PROSER1: variants seen among roughly 807,000 people sequenced by gnomAD.
PROSER1 encodes the protein proline and serine-rich protein 1.
A neutral mutation model predicts 71.8 loss-of-function variants in PROSER1; 36 were observed. That is an observed-to-expected ratio of 0.50 (90% CI 0.38 to 0.66). PROSER1 has a LOEUF of 0.66. Among genes scored for constraint, PROSER1 ranks in the 30% least tolerant of loss-of-function variants. The pLI is 0.00. For synonymous variants in PROSER1, 490 were observed against 452.4 expected (o/e 1.08, Z -1.06); for missense variants, 1,107 against 1,135.0 (o/e 0.98, Z 0.35).
At position 39,014,449 on chromosome 13, in the gene PROSER1, A is replaced by G. The variant is rs1160919114; in HGVS notation, c.803T>C (p.Phe268Ser). The G allele has an allele frequency of 6.2e-7, 1 of 1,611,080 alleles. No individual in the cohort carries two copies. The highest frequency in any genetic ancestry group is 1.7e-5 in the Admixed American group (1 of 59,942). Residue 268 changes from phenylalanine (F) to serine (S), a missense_variant, in exon 11 of 13, where the codon TTT becomes TCT. Physicochemically the swap from Phe to Ser is radical, Grantham distance 155 (BLOSUM62 -2). Transcript: ENST00000352251. ...QTFSTPASQL[F>S]SPHGSNPSTP... ...TGAAGGATTAGAACCATGAGGAGAAAAGAGTTGACTTGCTGGGGTGGAAAA... is the reference window on the plus strand; with the variant it reads ...TGAAGGATTAGAACCATGAGGAGAAGAGAGTTGACTTGCTGGGGTGGAAAA...
At chr13:39,030,074 A>G (rs1179291417) in intron 3 of PROSER1, among the ~76,000 whole-genome samples, 3 of 152,200 alleles carry the variant, frequency 2.0e-5, no homozygotes, top group Non-Finnish European at 4.4e-5. Context: ...TAGAATCAAT[A>G]TCCAAGAGCT....
intron 1 of PROSER1, among the ~76,000 whole-genome samples, chr13:39,035,461 A>G (rs11619046): frequency 0.019 from 2,869 of 152,332 alleles, 43 homozygotes; most frequent in Non-Finnish European, 0.025. Context: ...GCCACCAGCT[A>G]TAAGCAAGAA....
intron 4 of PROSER1, among the ~76,000 whole-genome samples, 177 bp from the exon 5 acceptor site, chr13:39,028,497 T>C (rs7327748): frequency 0.15 from 22,609 of 152,132 alleles, 2,028 homozygotes; most frequent in African/African-American, 0.25. Context: ...ATAAATATAA[T>C]AACTTAGGTT....
In PROSER1 at chr13:39,013,371, A is replaced by T. The variant is rs1054945453; in HGVS notation, c.1881T>A (p.Asn627Lys). 2 of 1,614,102 alleles carry T rather than the reference A, an allele frequency of 1.2e-6. No individual in the cohort carries two copies. Among genetic ancestry groups the T allele is most frequent in the Admixed American group, 1.7e-5 (1 of 60,012 alleles). ...SAFKGPSHSG[N>K]PSHGTLGLSG... ...ACAAACCTAAAGTGCCATGAGAGGGATTCCCAGAATGAGATGGACCTTTGA... is the reference window on the plus strand; with the variant it reads ...ACAAACCTAAAGTGCCATGAGAGGGTTTCCCAGAATGAGATGGACCTTTGA... The change falls in exon 11 of 13, where the codon AAT (asparagine) becomes AAA (lysine). Residue 627 changes from asparagine (N) to lysine (K), a missense_variant. By Grantham distance (94) the Asn-to-Lys change is moderately conservative. Coordinates refer to ENST00000352251, the MANE Select transcript of PROSER1 (RefSeq NM_025138.5).
chr13:39,012,667 C>T lies in PROSER1; in HGVS notation c.2561+24G>A, dbSNP rs143687334. The T allele has an allele frequency of 8.9e-4, 1,306 of 1,471,406 alleles. 6 individuals carry two copies. The African/African-American group carries it at 0.017, about 19-fold the overall frequency. 91.1% of individuals were successfully genotyped at this position (1,471,406 alleles called of 1,614,324 possible). A position where few individuals can be genotyped will look rare whatever the true frequency, so the allele number is the denominator to read the frequency against. On this transcript the variant is annotated intron_variant, in intron 11 of 12. Coordinates refer to ENST00000352251, the MANE Select transcript of PROSER1 (RefSeq NM_025138.5). ...CAAGTTAGGTGAAGAATAATTTTAT[C>T]CTATTTCCAAACTATCCACATACCC... is the stretch of plus-strand genomic sequence containing the variant.
In PROSER1 at chr13:39,036,427, G is replaced by A. The variant is rs116427889; in HGVS notation, c.45+771C>T. Among the ~76,000 whole-genome samples the A allele has an allele frequency of 3.9e-3, 591 of 152,270 alleles. 3 individuals carry two copies. The highest frequency in any genetic ancestry group is 0.013 in the African/African-American group (558 of 41,542). On this transcript the variant is annotated intron_variant, in intron 1 of 12. Transcript: ENST00000352251. ...AGGGTCGTAAAGGTATGCAGCTGACGAAAGAATAATTGCCCGGAAGGCCGA... is the reference window on the plus strand; with the variant it reads ...AGGGTCGTAAAGGTATGCAGCTGACAAAAGAATAATTGCCCGGAAGGCCGA...
In PROSER1 at chr13:39,013,906, A is replaced by C. The variant is rs757529064; in HGVS notation, c.1346T>G (p.Val449Gly). 2 of 1,614,196 alleles carry C rather than the reference A, an allele frequency of 1.2e-6. No homozygotes were observed. The highest frequency in any genetic ancestry group is 1.7e-6 in the Non-Finnish European group (2 of 1,180,032). ...TSQGLSNPTP[V>G]IAGGSTPSVA... Reference sequence around the variant, plus strand: ...GCTGGGAGTAGAGCCACCAGCAATTACAGGAGTCGGGTTGGATAGGCCTTG... The same window carrying C: ...GCTGGGAGTAGAGCCACCAGCAATTCCAGGAGTCGGGTTGGATAGGCCTTG... The change falls in exon 11 of 13, where the codon GTA (valine) becomes GGA (glycine). Residue 449 changes from valine to glycine, a missense_variant. Physicochemically the swap from Val to Gly is moderately radical, Grantham distance 109. Coordinates refer to ENST00000352251, the MANE Select transcript of PROSER1 (RefSeq NM_025138.5).
chr13:39,026,812 A>G (rs761971995), intron 5 of PROSER1, among the ~76,000 whole-genome samples: 34 of 152,212 alleles, frequency 2.2e-4, no homozygotes, highest in Non-Finnish European at 3.8e-4. Context: ...GGAGGACATC[A>G]TAAACAAGTA....
chr13:39,029,420 T>C (rs1388720987), intron 3 of PROSER1, 45 bp from the exon 4 acceptor site: 1 of 1,100,892 alleles, frequency 9.1e-7, no homozygotes, highest in Non-Finnish European at 1.3e-6. Flanking sequence ...GAAATTTTCA[T>C]GCCAGAAATT....
Position 39,012,768 on chromosome 13 carries a change from T to C in PROSER1, c.2484A>G (p.Pro828=). The C allele has an allele frequency of 6.2e-7, 1 of 1,613,902 alleles. No homozygotes were observed. The highest frequency in any genetic ancestry group is 8.5e-7 in the Non-Finnish European group (1 of 1,179,900). ...ATCCTGGGAGGACTGGAGCTGGGGA[T>C]GGGGCTGTGGCAGCCACAGGTAGTG... The part of the protein sequence containing the change: ...VTPLPVAATA[P]SPAPVLPGFA... Residue 828 remains proline (P), a synonymous_variant, in exon 11 of 13, where the codon CCA becomes CCG. Transcript: ENST00000352251.
chr13:39,027,067 T>C (rs1412548997), intron 5 of PROSER1, among the ~76,000 whole-genome samples: 1 of 151,110 alleles, frequency 6.6e-6, no homozygotes, highest in Non-Finnish European at 1.5e-5. Context: ...TATTATGTTA[T>C]AGAAATATCC....
chr13:39,017,964 C>T (rs1010169601), intron 9 of PROSER1: 3 of 160,916 alleles, frequency 1.9e-5, no homozygotes, highest in Admixed American at 6.5e-5. Context: ...GCTGACCTGA[C>T]AGACAGCTCC....
Position 39,014,453 on chromosome 13 carries a change from G to A in PROSER1, c.799C>T (p.Leu267Phe). The A allele has an allele frequency of 6.2e-7, 1 of 1,609,460 alleles. No homozygotes were observed. The highest frequency in any genetic ancestry group is 8.5e-7 in the Non-Finnish European group (1 of 1,176,256). Residue 267 changes from leucine to phenylalanine, a missense_variant, in exon 11 of 13, where the codon CTC (leucine) becomes TTC (phenylalanine). Leu to Phe is a conservative substitution (Grantham distance 22). Transcript: ENST00000352251. ...NQTFSTPASQ[L>F]FSPHGSNPST... Reference sequence around the variant, plus strand: ...GGATTAGAACCATGAGGAGAAAAGAGTTGACTTGCTGGGGTGGAAAATGCT... The same window carrying A: ...GGATTAGAACCATGAGGAGAAAAGAATTGACTTGCTGGGGTGGAAAATGCT...
rs1331447867 is a variant in PROSER1 at position 39,037,522 on chromosome 13, G to A, written c.-280C>T. 5 of 333,894 alleles carry A rather than the reference G, an allele frequency of 1.5e-5. No homozygotes were observed. Among genetic ancestry groups the A allele is most frequent in the Admixed American group, 4.7e-5 (1 of 21,478 alleles). 20.7% of individuals were successfully genotyped at this position (333,894 alleles called of 1,614,324 possible). A position where few individuals can be genotyped will look rare whatever the true frequency, so the allele number is the denominator to read the frequency against. On this transcript the variant is annotated 5_prime_UTR_variant, in exon 1 of 13. Transcript: ENST00000352251. ...ATGGTTCAGGGCACCTCGGGCAAGA[G>A]CCAGGTCCTCTGAGTTTTGCAGAAA...
intron 10 of PROSER1, among the ~76,000 whole-genome samples, chr13:39,017,222 T>A (rs1870046667): frequency 6.6e-6 from 1 of 152,242 alleles, no homozygotes; most frequent in South Asian, 2.1e-4. Context: ...AAAGTGAATG[T>A]GAATGCAAAG....
Position 39,012,906 on chromosome 13 carries a change from T to C in PROSER1, c.2346A>G (p.Ser782=), listed in dbSNP as rs145378291. 33 of 1,614,022 alleles carry C rather than the reference T, an allele frequency of 2.0e-5. No individual in the cohort carries two copies. In the African/African-American group the frequency reaches 3.2e-4, roughly 16 times the overall value. Residue 782 remains serine (S), a synonymous_variant, in exon 11 of 13, where the codon TCA becomes TCG. Transcript: ENST00000352251. ...AGCCTGGATAGGAGGGATTTGAAGA[T>C]GACAGAGGTCCTTGAGTAACAGAGA... is the stretch of plus-strand genomic sequence containing the variant. ...SLFSVTQGPL[S]SSNPSYPGFS...
At chr13:39,031,473 A>C (rs1317183276) in intron 3 of PROSER1, 90 bp downstream of exon 3, 2 of 988,908 alleles carry the variant, frequency 2.0e-6, no homozygotes, top group Non-Finnish European at 3.1e-6. Context: ...TTCTAATGCA[A>C]ATAAATTACA....
chr13:39,022,465 G>T, intron 8 of PROSER1, 53 bp from the exon 9 acceptor site: 1 of 1,223,020 alleles, frequency 8.2e-7, no homozygotes, highest in Non-Finnish European at 1.2e-6. Context: ...TTCTGTGACT[G>T]GTATTGTTCT....
intron 2 of PROSER1, among the ~76,000 whole-genome samples, 161 bp downstream of exon 2, chr13:39,033,970 A>T (rs1443456885): frequency 6.6e-6 from 1 of 152,226 alleles, no homozygotes; most frequent in Non-Finnish European, 1.5e-5. Flanking sequence ...TCCCTGAATT[A>T]TAAATTCTGT....
Sources: allele counts gnomAD v4.1 joint callset (sites outside exome capture counted in the v4.1 genomes callset), GRCh38; gene constraint gnomAD v4.1.1; transcripts MANE v1.5; gene names NCBI Gene and HGNC (gene_info 2026-07-23, HGNC 2026-07-21).